GPHN: variants seen among roughly 807,000 people sequenced by gnomAD.
GPHN encodes gephyrin.
In GPHN, 17 loss-of-function variants were observed where a neutral mutation model predicts 95.5. The observed-to-expected ratio is 0.18, with a 90% CI of 0.12 to 0.27. The LOEUF is 0.27. Among genes scored for constraint, GPHN ranks in the 10% least tolerant of loss-of-function variants. GPHN has a pLI of 1.00. For synonymous variants in GPHN, 320 were observed against 322.5 expected, an observed-to-expected ratio of 0.99 and a Z score of 0.08; for missense variants, 660 against 978.1, an observed-to-expected ratio of 0.67 and a Z score of 4.34.
At chr14:67,517,096 G>A in the GPHN span, among the ~76,000 whole-genome samples, 1 of 152,220 alleles carries the variant, frequency 6.6e-6, no homozygotes, top group Non-Finnish European at 1.5e-5. Flanking sequence ...AGGCAGGCAT[G>A]TGGGCTGTCC....
chr14:66,620,278 C>A (rs1401407519), intron 1 of GPHN, among the ~76,000 whole-genome samples: 1 of 152,092 alleles, frequency 6.6e-6, no homozygotes, highest in Non-Finnish European at 1.5e-5. Flanking sequence ...AGGATACAGG[C>A]CTTTAGGTAA....
At chr14:67,169,249 A>T in intron 21 of GPHN, 1 of 587,574 alleles carries the variant, frequency 1.7e-6, no homozygotes, top group Non-Finnish European at 3.0e-6. Flanking sequence ...TTTTCTCCAG[A>T]TAGAAGTCCA....
the GPHN span, chr14:67,600,133 G>C: frequency 6.3e-7 from 1 of 1,595,770 alleles, no homozygotes; most frequent in Non-Finnish European, 8.5e-7. Context: ...CCGGCAGGAC[G>C]GGGAGTAGTA....
intron 1 of GPHN, among the ~76,000 whole-genome samples, chr14:66,642,972 C>T (rs1257881529): frequency 6.6e-6 from 1 of 151,696 alleles, no homozygotes; most frequent in Non-Finnish European, 1.5e-5. Context: ...TACATTGGAT[C>T]ACATTAAAAA....
the GPHN span, among the ~76,000 whole-genome samples, chr14:67,411,233 T>A: frequency 6.7e-6 from 1 of 148,878 alleles, no homozygotes; most frequent in Non-Finnish European, 1.5e-5. Context: ...TCTACCATAA[T>A]CCCAGGCACT....
chr14:67,573,612 C>T, the GPHN span, among the ~76,000 whole-genome samples: 2 of 152,202 alleles, frequency 1.3e-5, no homozygotes, highest in African/African-American at 4.8e-5. The surrounding 1 kb of genome is among the most constrained non-coding windows in gnomAD (Gnocchi z 4.8). Context: ...CAGAAGGACC[C>T]ATGTTCCTGA....
chr14:67,409,529 C>T, the GPHN span, among the ~76,000 whole-genome samples: 4 of 152,176 alleles, frequency 2.6e-5, no homozygotes, highest in East Asian at 1.9e-4. Flanking sequence ...CAGGAACGCC[C>T]GGCAGTGCTT....
At chr14:67,041,641 A>C (rs1396172025) in intron 10 of GPHN, among the ~76,000 whole-genome samples, 1 of 152,098 alleles carries the variant, frequency 6.6e-6, no homozygotes, top group Non-Finnish European at 1.5e-5. Context: ...GGTTGGTTCC[A>C]AGTCTTTGCT....
chr14:67,184,585 C>G (rs2083359467), downstream of GPHN, among the ~76,000 whole-genome samples: 1 of 152,116 alleles, frequency 6.6e-6, no homozygotes, highest in African/African-American at 2.4e-5. Context: ...AGTCTCCCCT[C>G]TTGGCTGACT....
At chr14:66,633,616 A>AT (rs11464724) in intron 1 of GPHN, among the ~76,000 whole-genome samples, 35,604 of 151,956 alleles carry the variant, frequency 0.23, 8,209 homozygotes, top group African/African-American at 0.56. Flanking sequence ...ATTTTTAATG[A>AT]TTTTTTGCTG....
intron 1 of GPHN, among the ~76,000 whole-genome samples, chr14:66,677,304 T>C (rs2066662987): frequency 6.6e-6 from 1 of 152,122 alleles, no homozygotes. Flanking sequence ...CTTCTTATTT[T>C]AGGTTTGGCT....
the GPHN span, among the ~76,000 whole-genome samples, chr14:67,672,774 TCCCACAA>T: frequency 1.3e-5 from 2 of 152,068 alleles, no homozygotes; most frequent in Non-Finnish European, 2.9e-5. Context: ...ATAAATCAGA[TCCCACAA>T]TGCTTCTGCA....
the GPHN span, among the ~76,000 whole-genome samples, chr14:67,443,793 A>G: frequency 6.6e-6 from 1 of 152,066 alleles, no homozygotes; most frequent in South Asian, 2.1e-4. Context: ...AAAAAAATAG[A>G]TGCAGGAATG....
chr14:66,669,667 G>T (rs1217131571), intron 1 of GPHN, among the ~76,000 whole-genome samples: 1 of 151,734 alleles, frequency 6.6e-6, no homozygotes, highest in Non-Finnish European at 1.5e-5. Context: ...TTATCTCCTA[G>T]CTTGCTGATT....
At chr14:67,227,069 G>A in the GPHN span, among the ~76,000 whole-genome samples, 1 of 152,136 alleles carries the variant, frequency 6.6e-6, no homozygotes, top group African/African-American at 2.4e-5. Context: ...AAATATTAGG[G>A]TCTCATTAAC....
At chr14:67,384,644 A>G in the GPHN span, 2 of 152,226 alleles carry the variant, frequency 1.3e-5, no homozygotes, top group African/African-American at 2.4e-5. Flanking sequence ...ACTACTCAAT[A>G]TTAAAGGGTC....
At chr14:67,355,880 A>G in the GPHN span, among the ~76,000 whole-genome samples, 23,529 of 151,922 alleles carry the variant, frequency 0.15, 3,450 homozygotes, top group East Asian at 0.42. Context: ...CACACCGGTA[A>G]TCCCATATAC....
At chr14:66,652,598 T>C (rs1159731644) in intron 1 of GPHN, among the ~76,000 whole-genome samples, 1 of 152,150 alleles carries the variant, frequency 6.6e-6, no homozygotes, top group Non-Finnish European at 1.5e-5. Flanking sequence ...TTTAATATTC[T>C]AAAGCTATAC....
rs954246073 is a variant in GPHN at position 67,070,435 on chromosome 14, C to T, written c.1144+11649C>T. 1.8e-4 allele frequency among the ~76,000 whole-genome samples: 27 copies of T among 149,610 alleles called. No homozygotes were observed. The South Asian group carries it at 3.6e-3, about 20-fold the overall frequency. ...ATTACCGGCCGGGCGCGGTGGCTCA[C>T]GCCTGTAATCCCAGCACTTCAGGAG... On this transcript the variant is annotated intron_variant, in intron 11 of 22. Coordinates refer to ENST00000478722, the MANE Select transcript of GPHN (RefSeq NM_020806.5).
Sources: gnomAD v4.1 joint callset for allele counts (sites outside exome capture counted in the v4.1 genomes callset) on GRCh38, gnomAD v4.1.1 for gene constraint, Gnocchi (gnomAD v3.1) non-coding constraint, MANE v1.5 for transcripts, NCBI Gene and HGNC (gene_info 2026-07-23, HGNC 2026-07-21) for gene names.